CSTPP1: variants seen among roughly 807,000 people sequenced by gnomAD.
CSTPP1 encodes the protein UPF0705 protein C11orf49.
chr11:47,060,864 C>G, the CSTPP1 span, among the ~76,000 whole-genome samples: 4 of 152,138 alleles, frequency 2.6e-5, no homozygotes, highest in Non-Finnish European at 5.9e-5. Context: ...ACATGTAACA[C>G]AGACAAAAGC....
the CSTPP1 span, among the ~76,000 whole-genome samples, chr11:47,111,489 C>T: frequency 6.6e-6 from 1 of 152,132 alleles, no homozygotes; most frequent in Non-Finnish European, 1.5e-5. Flanking sequence ...CTTCCATGCT[C>T]CATTGCTTTC....
At chr11:47,134,238 C>A in the CSTPP1 span, among the ~76,000 whole-genome samples, 1 of 152,090 alleles carries the variant, frequency 6.6e-6, no homozygotes, top group African/African-American at 2.4e-5. Context: ...CACTCTGTCA[C>A]CCAGGCTGGA....
the CSTPP1 span, among the ~76,000 whole-genome samples, chr11:46,938,192 G>C: frequency 6.6e-6 from 1 of 152,036 alleles, no homozygotes; most frequent in Admixed American, 6.6e-5. Flanking sequence ...TAAGTTTACA[G>C]AAAATTGAGC....
At chr11:47,015,055 T>C in the CSTPP1 span, among the ~76,000 whole-genome samples, 1 of 152,158 alleles carries the variant, frequency 6.6e-6, no homozygotes, top group African/African-American at 2.4e-5. Context: ...CTATAGGTAT[T>C]AAGAGATAAT....
chr11:47,129,243 T>G, the CSTPP1 span, among the ~76,000 whole-genome samples: 6 of 152,342 alleles, frequency 3.9e-5, no homozygotes, highest in South Asian at 1.2e-3. Context: ...TGGAGCTGCA[T>G]GAGCACGTGA....
the CSTPP1 span, chr11:47,041,308 A>T: frequency 3.8e-6 from 1 of 263,328 alleles, no homozygotes; most frequent in African/African-American, 2.2e-5. Flanking sequence ...TCATACAGGG[A>T]TAGAACTCAG....
chr11:47,140,620 G>A, the CSTPP1 span, among the ~76,000 whole-genome samples: 1 of 150,742 alleles, frequency 6.6e-6, no homozygotes, highest in Non-Finnish European at 1.5e-5. Context: ...TGTATTTTTG[G>A]TAGAGACGGG....
chr11:47,002,776 G>GC, the CSTPP1 span, among the ~76,000 whole-genome samples: 3 of 152,188 alleles, frequency 2.0e-5, no homozygotes, highest in African/African-American at 7.2e-5. Context: ...TGCTTTTGCA[G>GC]CTAGCTAGTA....
the CSTPP1 span, among the ~76,000 whole-genome samples, chr11:47,064,207 C>A: frequency 6.6e-6 from 1 of 152,042 alleles, no homozygotes; most frequent in African/African-American, 2.4e-5. Flanking sequence ...TTCATGTATT[C>A]TGGATATTCA....
At chr11:47,100,853 CCTT>C in the CSTPP1 span, among the ~76,000 whole-genome samples, 1 of 120,446 alleles carries the variant, frequency 8.3e-6, no homozygotes, top group South Asian at 2.9e-4. Flanking sequence ...TACAGTATAA[CCTT>C]CTCTGAAATT....
At chr11:47,158,770 A>G in the CSTPP1 span, among the ~76,000 whole-genome samples, 22 of 152,158 alleles carry the variant, frequency 1.4e-4, no homozygotes, top group Non-Finnish European at 2.4e-4. Flanking sequence ...CCTGGGCTCA[A>G]GGGATCCCCT....
chr11:47,061,364 A>G, the CSTPP1 span, among the ~76,000 whole-genome samples: 7 of 152,280 alleles, frequency 4.6e-5, no homozygotes, highest in South Asian at 8.3e-4. Flanking sequence ...TAAAATATCT[A>G]TTGTTTATGG....
At chr11:47,038,492 C>G in the CSTPP1 span, among the ~76,000 whole-genome samples, 1 of 109,318 alleles carries the variant, frequency 9.1e-6, no homozygotes, top group Non-Finnish European at 2.3e-5. Flanking sequence ...GGGCGGCCGG[C>G]CAGGCAGAGG....
At chr11:46,939,584 G>T in the CSTPP1 span, among the ~76,000 whole-genome samples, 1 of 151,888 alleles carries the variant, frequency 6.6e-6, no homozygotes, top group African/African-American at 2.4e-5. Context: ...GAGGTCAGGA[G>T]TTCAAGACCA....
At chr11:47,110,912 C>CA in the CSTPP1 span, among the ~76,000 whole-genome samples, 53 of 70,034 alleles carry the variant, frequency 7.6e-4, no homozygotes, top group African/African-American at 2.2e-3. Flanking sequence ...TTTTTTGAGA[C>CA]AGAGTCTAGC....
the CSTPP1 span, among the ~76,000 whole-genome samples, chr11:47,035,297 G>C: frequency 6.6e-6 from 1 of 152,190 alleles, no homozygotes; most frequent in Non-Finnish European, 1.5e-5. Flanking sequence ...TTTCTTGGGA[G>C]CACTTCCGGC....
the CSTPP1 span, among the ~76,000 whole-genome samples, chr11:47,074,501 G>GAAA: frequency 8.7e-6 from 1 of 115,194 alleles, no homozygotes; most frequent in African/African-American, 3.4e-5. Context: ...TCCTGTCTCA[G>GAAA]AAAAAAAAAA....
the CSTPP1 span, among the ~76,000 whole-genome samples, chr11:46,963,054 C>T: frequency 8.5e-5 from 13 of 152,200 alleles, no homozygotes; most frequent in African/African-American, 2.9e-4. Context: ...CAGATAATGT[C>T]ATCTCCAAGT....
At chr11:47,117,588 G>C in the CSTPP1 span, among the ~76,000 whole-genome samples, 1 of 152,088 alleles carries the variant, frequency 6.6e-6, no homozygotes, top group African/African-American at 2.4e-5. Context: ...CAACCTTGGG[G>C]AATCTGATAA....
Sources: gnomAD v4.1 joint callset for allele counts (sites outside exome capture counted in the v4.1 genomes callset) on GRCh38, gnomAD v4.1.1 for gene constraint, MANE v1.5 for transcripts, NCBI Gene and HGNC (gene_info 2026-07-23, HGNC 2026-07-21) for gene names.